Variants in PCDHGA5 observed in about 807,000 individuals in gnomAD.
The protein encoded by PCDHGA5 is protocadherin gamma subfamily A, 5.
Under a neutral mutation model 56.7 loss-of-function variants are expected in PCDHGA5, and 36 were observed. The ratio of observed to expected loss-of-function variants is 0.64; its 90% CI spans 0.49 to 0.84. PCDHGA5 has a LOEUF of 0.84. Among genes scored for constraint, PCDHGA5 ranks in the 40% least tolerant of loss-of-function variants. The pLI is 0.00. For missense variants in PCDHGA5, 1,305 were observed against 1,201.5 expected (o/e 1.09, Z -1.27); for synonymous variants, 563 against 520.2 (o/e 1.08, Z -1.12).
intron 2 of PCDHGA5, among the ~76,000 whole-genome samples, chr5:141,500,501 G>A (rs571735791): frequency 1.3e-5 from 2 of 152,058 alleles, no homozygotes; most frequent in Non-Finnish European, 2.9e-5. Context: ...GAGCCACCGC[G>A]CCTGGCCGAG....
At chr5:141,408,036 A>C in intron 1 of PCDHGA5, 1 of 1,132,834 alleles carries the variant, frequency 8.8e-7, no homozygotes, top group Non-Finnish European at 1.2e-6. Flanking sequence ...GAAGAAAACC[A>C]GCTCCCACAC....
chr5:141,390,105 T>C (rs2092048923), intron 1 of PCDHGA5: 4 of 1,614,052 alleles, frequency 2.5e-6, no homozygotes, highest in African/African-American at 1.3e-5. Flanking sequence ...TCCCCCCAAC[T>C]ACAGCGAGGG....
chr5:141,389,001 G>T (rs1313177903), intron 1 of PCDHGA5: 1 of 1,614,018 alleles, frequency 6.2e-7, no homozygotes, highest in Non-Finnish European at 8.5e-7. Context: ...CCGTGACAAG[G>T]ATTCCAGACA....
At position 141,403,891 on chromosome 5, in the gene PCDHGA5, AT is replaced by A. The variant is rs757338627; in HGVS notation, c.2421+37144del. The A allele has an allele frequency of 3.1e-6, 5 of 1,613,870 alleles. No individual in the cohort carries two copies. In the Admixed American group the frequency reaches 6.7e-5, roughly 22 times the overall value. On this transcript the variant is annotated intron_variant, in intron 1 of 3. Transcript: ENST00000518069. Reference sequence around the variant, plus strand: ...AAAGTCTAGATTATGAAGAATGTTCATTTTATGAAATGGAAATACAAGCTGA... The same window carrying A: ...AAAGTCTAGATTATGAAGAATGTTCATTTATGAAATGGAAATACAAGCTGA...
Position 141,477,098 on chromosome 5 carries a change from G to A in PCDHGA5, c.2422-17709G>A, listed in dbSNP as rs1562059777. 1.9e-6 allele frequency: 3 copies of A among 1,614,124 alleles called. No individual in the cohort carries two copies. The highest frequency in any genetic ancestry group is 3.3e-5 in the Admixed American group (2 of 60,008). The stretch of plus-strand genomic sequence containing the variant: ...GATTTACATCCAGGCCAAAGACAAG[G>A]GCGCCAATCCCGAAGGAGCACATTG... On this transcript the variant is annotated intron_variant, in intron 1 of 3. Coordinates refer to ENST00000518069, the MANE Select transcript of PCDHGA5 (RefSeq NM_018918.3). This position sits in a 1 kb window ranked among gnomAD's most constrained non-coding sequence, Gnocchi z 4.9.
chr5:141,410,358 T>C, intron 1 of PCDHGA5: 2 of 1,614,070 alleles, frequency 1.2e-6, no homozygotes, highest in Non-Finnish European at 8.5e-7. Flanking sequence ...CGACGCTCTC[T>C]CAGCCCTGCT....
rs762530904 is a variant in PCDHGA5, at chr5:141,422,966, C to T, written c.2421+56215C>T. The T allele has an allele frequency of 2.5e-6, 4 of 1,614,112 alleles. No individual in the cohort carries two copies. The East Asian group carries it at 8.9e-5, about 36-fold the overall frequency. ...GGCTCCACTGGCGTGGAGCTGGCGC[C>T]CCGCTCTGCGGAACCTGGCTACCTG... On this transcript the variant is annotated intron_variant, in intron 1 of 3. Coordinates refer to ENST00000518069, the MANE Select transcript of PCDHGA5 (RefSeq NM_018918.3).
rs755664508 is a variant in PCDHGA5, at chr5:141,364,366, G to A, written c.36G>A (p.Glu12=). 1 of 1,563,758 alleles carries A rather than the reference G, an allele frequency of 6.4e-7. No homozygotes were observed. Among genetic ancestry groups the A allele is most frequent in the South Asian group, 1.2e-5 (1 of 82,616 alleles). Residue 12 remains glutamate (E), a synonymous_variant, in exon 1 of 4, where the codon GAG becomes GAA. Coordinates refer to ENST00000518069, the MANE Select transcript of PCDHGA5 (RefSeq NM_018918.3). ...CACCTAGGGGCTGGGGCTGCGGAGAGCTGCTGCTGCCCTTCATGCTCCTGG... is the reference window on the plus strand; with the variant it reads ...CACCTAGGGGCTGGGGCTGCGGAGAACTGCTGCTGCCCTTCATGCTCCTGG... The part of the protein sequence containing the change: ...ASPPRGWGCG[E]LLLPFMLLGT...
At chr5:141,460,926 G>A (rs1180507724) in intron 1 of PCDHGA5, among the ~76,000 whole-genome samples, 4 of 145,540 alleles carry the variant, frequency 2.7e-5, no homozygotes, top group African/African-American at 2.6e-5. Flanking sequence ...ATATATATAT[G>A]TGTGTGTGTA....
intron 1 of PCDHGA5, chr5:141,404,463 A>C: frequency 6.2e-7 from 1 of 1,612,548 alleles, no homozygotes. Flanking sequence ...CTCTCCACCT[A>C]TGTCTCTATT....
chr5:141,405,595 A>C (rs1255161296), intron 1 of PCDHGA5: 1 of 578,138 alleles, frequency 1.7e-6, no homozygotes, highest in Non-Finnish European at 3.1e-6. Flanking sequence ...CAGGCCTCCC[A>C]AGTAGAATAA....
At chr5:141,376,453 T>C (rs779136467) in intron 1 of PCDHGA5, 2 of 1,614,048 alleles carry the variant, frequency 1.2e-6, no homozygotes, top group African/African-American at 2.7e-5. Flanking sequence ...AAAGCGAGCC[T>C]CTTCTGATAA....
Position 141,491,057 on chromosome 5 carries a change from CCTA to C in PCDHGA5, c.2422-3747_2422-3745del. On this transcript the variant is annotated intron_variant, in intron 1 of 3. Coordinates refer to ENST00000518069, the MANE Select transcript of PCDHGA5 (RefSeq NM_018918.3). The surrounding 1 kb of genome is among the most constrained non-coding windows in gnomAD (Gnocchi z 6.9). ...GATGCAGGCCACAATGCGTGGCTCTCCTACTCACTGTTGCCACAGTCCACAGCC... is the reference window on the plus strand; with the variant it reads ...GATGCAGGCCACAATGCGTGGCTCTCCTCACTGTTGCCACAGTCCACAGCC... 6.2e-7 allele frequency: 1 copy of C among 1,614,208 alleles called. No homozygotes were observed. The highest frequency in any genetic ancestry group is 8.5e-7 in the Non-Finnish European group (1 of 1,180,022).
chr5:141,393,465 G>A lies in PCDHGA5; in HGVS notation c.2421+26714G>A, dbSNP rs776962387. The stretch of plus-strand genomic sequence containing the variant: ...CCTGGTCCTCACGGCCTCGGATGGC[G>A]GCAAGCCGCCTCGCTCTAGCACAGT... On this transcript the variant is annotated intron_variant, in intron 1 of 3. Transcript: ENST00000518069. 23 of 1,614,048 alleles carry A rather than the reference G, an allele frequency of 1.4e-5. No homozygotes were observed. The East Asian group carries it at 5.1e-4, about 36-fold the overall frequency.
rs1028782991 is a variant in PCDHGA5, at chr5:141,503,926, C to T, written c.2481-1467C>T. 2.6e-5 allele frequency among the ~76,000 whole-genome samples: 4 copies of T among 152,196 alleles called. No individual in the cohort carries two copies. The East Asian group carries it at 7.7e-4, about 29-fold the overall frequency. ...ACACACAACGCAACACACACACAGA[C>T]ATTTTCATGCCTTCAAGGCCTACCC... On this transcript the variant is annotated intron_variant, in intron 2 of 3. Coordinates refer to ENST00000518069, the MANE Select transcript of PCDHGA5 (RefSeq NM_018918.3).
chr5:141,499,122 A>G (rs971741957), intron 2 of PCDHGA5, among the ~76,000 whole-genome samples: 3 of 152,140 alleles, frequency 2.0e-5, no homozygotes, highest in African/African-American at 7.2e-5. Context: ...ATCCCTTCTC[A>G]GGTCATCCTT....
In PCDHGA5 at chr5:141,476,966, G is replaced by C. The variant is rs780645226; in HGVS notation, c.2422-17841G>C. The C allele has an allele frequency of 1.2e-6, 2 of 1,614,152 alleles. No homozygotes were observed. Among genetic ancestry groups the C allele is most frequent in the Non-Finnish European group, 1.7e-6 (2 of 1,180,032 alleles). On this transcript the variant is annotated intron_variant, in intron 1 of 3. Coordinates refer to ENST00000518069, the MANE Select transcript of PCDHGA5 (RefSeq NM_018918.3). This position sits in a 1 kb window ranked among gnomAD's most constrained non-coding sequence, Gnocchi z 7.6. ...CAACGGTGAAATTATTTACTCCTTCGGCAGCCACAACCGCGCCGGCGTGCG... is the reference window on the plus strand; with the variant it reads ...CAACGGTGAAATTATTTACTCCTTCCGCAGCCACAACCGCGCCGGCGTGCG...
intron 1 of PCDHGA5, chr5:141,423,748 T>TG: frequency 7.2e-6 from 2 of 278,014 alleles, no homozygotes; most frequent in Admixed American, 4.2e-4. Flanking sequence ...ATGAAAACTG[T>TG]TTGGGGGGGG....
At chr5:141,450,730 G>A (rs1046738914) in intron 1 of PCDHGA5, among the ~76,000 whole-genome samples, 10 of 152,024 alleles carry the variant, frequency 6.6e-5, no homozygotes, top group Non-Finnish European at 1.2e-4. Flanking sequence ...CAGGTGATCC[G>A]CCCGCCTTGG....
Sources: allele counts gnomAD v4.1 joint callset (sites outside exome capture counted in the v4.1 genomes callset), GRCh38; gene constraint gnomAD v4.1.1; non-coding constraint Gnocchi (gnomAD v3.1); transcripts MANE v1.5; gene names NCBI Gene and HGNC (gene_info 2026-07-23, HGNC 2026-07-21).